The following SLC30A7 variants were observed in gnomAD, a reference collection of about 807,000 sequenced individuals.
SLC30A7 encodes the protein zinc transporter 7.
In SLC30A7, 35 loss-of-function variants were observed where a neutral mutation model predicts 46.0. The ratio of observed to expected loss-of-function variants is 0.76; its 90% CI spans 0.58 to 1.01. The LOEUF (loss-of-function observed/expected upper bound fraction) is 1.01, where lower values mean the gene tolerates loss of function less well. Among genes scored for constraint, SLC30A7 ranks in the 50% least tolerant of loss-of-function variants. SLC30A7 has a pLI of 0.00. For missense variants in SLC30A7, 464 were observed against 451.1 expected (o/e 1.03, Z -0.26); for synonymous variants, 147 against 157.8 (o/e 0.93, Z 0.51).
chr1:100,987,231 G>C, the SLC30A7 span, among the ~76,000 whole-genome samples: 3 of 152,026 alleles, frequency 2.0e-5, no homozygotes, highest in Non-Finnish European at 4.4e-5. Flanking sequence ...TATTCCACTT[G>C]GGGTTCACTC....
intron 8 of SLC30A7, among the ~76,000 whole-genome samples, chr1:100,927,201 A>G (rs993622486): frequency 2.6e-5 from 4 of 152,186 alleles, no homozygotes; most frequent in Non-Finnish European, 5.9e-5. Flanking sequence ...TTAAAGCCAT[A>G]TTTAATAGAC....
At position 100,976,619 on chromosome 1, in the gene SLC30A7, G is replaced by GA. The variant is rs1171225284; in HGVS notation, c.*1768dup. On this transcript the variant is annotated 3_prime_UTR_variant, in exon 11 of 11. Transcript: ENST00000357650. ...ACTTAAAAAAATTGTAAATGTGGGA[G>GA]AAAAAACCCTGCAGGATGGAAACAA... 1.3e-5 allele frequency: 2 copies of GA among 152,268 alleles called. No individual in the cohort carries two copies. Among genetic ancestry groups the GA allele is most frequent in the Non-Finnish European group, 1.5e-5 (1 of 68,016 alleles). 9.4% of individuals were successfully genotyped at this position (152,268 alleles called of 1,614,324 possible). A position where few individuals can be genotyped will look rare whatever the true frequency, so the allele number is the denominator to read the frequency against.
intron 8 of SLC30A7, among the ~76,000 whole-genome samples, chr1:100,928,985 A>G (rs565776946): frequency 6.6e-6 from 1 of 152,292 alleles, no homozygotes; most frequent in South Asian, 2.1e-4. Flanking sequence ...CAATGGTAAT[A>G]AATGACAACA....
intron 8 of SLC30A7, among the ~76,000 whole-genome samples, chr1:100,942,532 G>T (rs1557996471): frequency 6.6e-6 from 1 of 152,156 alleles, no homozygotes; most frequent in Non-Finnish European, 1.5e-5. Context: ...CAGACACCAA[G>T]CAAGTGTTAA....
At chr1:100,973,002 T>C (rs1252234408) in intron 10 of SLC30A7, among the ~76,000 whole-genome samples, 1 of 151,766 alleles carries the variant, frequency 6.6e-6, no homozygotes, top group Non-Finnish European at 1.5e-5. Context: ...GAGGAGAGGA[T>C]GCTATTAAAT....
intron 8 of SLC30A7, among the ~76,000 whole-genome samples, chr1:100,952,387 T>C (rs781096688): frequency 4.6e-5 from 7 of 152,194 alleles, no homozygotes; most frequent in African/African-American, 7.2e-5. Context: ...GTGACTTAAA[T>C]GGGTTAAGAT....
At chr1:100,902,336 G>A (rs966132632) in intron 2 of SLC30A7, among the ~76,000 whole-genome samples, 2 of 151,992 alleles carry the variant, frequency 1.3e-5, no homozygotes, top group African/African-American at 2.4e-5. Context: ...TAAAATTGCC[G>A]TGCTATATCC....
chr1:100,954,230 G>T (rs1655114153), intron 8 of SLC30A7, among the ~76,000 whole-genome samples: 2 of 152,156 alleles, frequency 1.3e-5, no homozygotes, highest in South Asian at 4.1e-4. Flanking sequence ...ACTGCAGTGT[G>T]TGCAGAGCTT....
At chr1:100,989,818 C>T in the SLC30A7 span, 4 of 152,432 alleles carry the variant, frequency 2.6e-5, no homozygotes, top group African/African-American at 7.2e-5. Context: ...TATCCACAAG[C>T]TTTCCAGCCT....
chr1:100,973,255 C>A (rs900083141), intron 10 of SLC30A7, among the ~76,000 whole-genome samples: 3 of 151,978 alleles, frequency 2.0e-5, no homozygotes, highest in African/African-American at 7.2e-5. Context: ...TTTGAGGAGT[C>A]CAGAAATTAC....
chr1:100,946,272 G>A (rs994176599), intron 8 of SLC30A7, among the ~76,000 whole-genome samples: 14 of 152,014 alleles, frequency 9.2e-5, no homozygotes, highest in African/African-American at 2.9e-4. Context: ...ATTGAATACC[G>A]TTTCTTTCTT....
chr1:100,935,299 A>T (rs61780297), intron 8 of SLC30A7, among the ~76,000 whole-genome samples: 18,412 of 152,088 alleles, frequency 0.12, 1,356 homozygotes, highest in Non-Finnish European at 0.17. Flanking sequence ...GGTTCCTCAC[A>T]TAGTACTTTT....
chr1:100,919,180 A>G (rs1652783973), intron 7 of SLC30A7, among the ~76,000 whole-genome samples: 1 of 152,334 alleles, frequency 6.6e-6, no homozygotes, highest in Non-Finnish European at 1.5e-5. Flanking sequence ...AAAGTTTTAC[A>G]TGCCAGAGAA....
chr1:100,953,954 G>A (rs777865642), intron 8 of SLC30A7, among the ~76,000 whole-genome samples: 4 of 152,154 alleles, frequency 2.6e-5, no homozygotes, highest in Non-Finnish European at 2.9e-5. Flanking sequence ...CTGTTTATTA[G>A]AGGTTCTTTT....
In SLC30A7 at chr1:100,910,200, T is replaced by C. The variant is rs1297768700; in HGVS notation, c.297-863T>C. Among the ~76,000 whole-genome samples the C allele has an allele frequency of 4.6e-5, 7 of 152,118 alleles. No individual in the cohort carries two copies. The East Asian group carries it at 1.3e-3, about 29-fold the overall frequency. The stretch of plus-strand genomic sequence containing the variant: ...TAGAAACCTAGGAAAAGCACGAGTT[T>C]TGATGCTCTCATTATATTGTTTAAG... On this transcript the variant is annotated intron_variant, in intron 3 of 10. Coordinates refer to ENST00000357650, the MANE Select transcript of SLC30A7 (RefSeq NM_133496.5).
intron 10 of SLC30A7, among the ~76,000 whole-genome samples, chr1:100,974,279 A>G (rs917881862): frequency 6.6e-6 from 1 of 152,198 alleles, no homozygotes; most frequent in Non-Finnish European, 1.5e-5. Flanking sequence ...TTGTATGCTA[A>G]TAGAAGTGAT....
chr1:100,909,066 TGTGTG>T (rs1318550190), intron 3 of SLC30A7, among the ~76,000 whole-genome samples: 143 of 152,174 alleles, frequency 9.4e-4, no homozygotes, highest in African/African-American at 3.4e-3. Flanking sequence ...TGTGTGTGTG[TGTGTG>T]TTTTCTTTTG....
intron 2 of SLC30A7, among the ~76,000 whole-genome samples, chr1:100,904,764 G>C (rs911140744): frequency 2.6e-5 from 4 of 152,196 alleles, no homozygotes; most frequent in African/African-American, 7.2e-5. Flanking sequence ...GCTATAGACT[G>C]CTGTTGCTTG....
chr1:100,978,526 C>T lies in SLC30A7; in HGVS notation c.*3669C>T, dbSNP rs1039321265. Reference sequence around the variant, plus strand: ...CCTCTCATTTTACAGATGAGAAAACCGAAGCCCAGAAAAACTCTCATTTGC... The same window carrying T: ...CCTCTCATTTTACAGATGAGAAAACTGAAGCCCAGAAAAACTCTCATTTGC... On this transcript the variant is annotated 3_prime_UTR_variant, in exon 11 of 11. Transcript: ENST00000357650. 7.9e-5 allele frequency: 12 copies of T among 152,136 alleles called. No homozygotes were observed. The highest frequency in any genetic ancestry group is 3.9e-4 in the East Asian group (2 of 5,170). 9.4% of individuals were successfully genotyped at this position (152,136 alleles called of 1,614,324 possible).
Sources: gnomAD v4.1 joint callset for allele counts (sites outside exome capture counted in the v4.1 genomes callset) on GRCh38, gnomAD v4.1.1 for gene constraint, MANE v1.5 for transcripts, NCBI Gene and HGNC (gene_info 2026-07-23, HGNC 2026-07-21) for gene names.